GLMN: variants seen among roughly 807,000 people sequenced by gnomAD.
GLMN encodes glomulin.
GLMN carries 75 observed loss-of-function variants against 87.8 expected under a neutral mutation model. The observed-to-expected ratio is 0.85, with a 90% confidence interval of 0.71 to 1.04. The LOEUF is 1.04. Among genes scored for constraint, GLMN ranks in the 50% least tolerant of loss-of-function variants. The pLI is 0.00. For synonymous variants in GLMN, 206 were observed against 221.6 expected (o/e 0.93, Z 0.63); for missense variants, 588 against 658.8 (o/e 0.89, Z 1.18).
the GLMN span, among the ~76,000 whole-genome samples, chr1:92,321,507 T>C: frequency 6.6e-6 from 1 of 152,092 alleles, no homozygotes; most frequent in Non-Finnish European, 1.5e-5. Context: ...CACAGCTTGC[T>C]TCTTGACCCA....
rs762117271 is a variant in GLMN at position 92,247,960 on chromosome 1, A to T, written c.1503T>A (p.Ile501=). Residue 501 remains isoleucine (I), a synonymous_variant, in exon 17 of 19, where the codon ATT becomes ATA. Coordinates refer to ENST00000370360, the MANE Select transcript of GLMN (RefSeq NM_053274.3). ...QTGLWTELGN[I]ENNFLKPLHI... ...GAAGTGGCTTTAAGAAATTATTCTC[A>T]ATATTTCCAAGTTCTGTCCATAATC... is the stretch of plus-strand genomic sequence containing the variant. The T allele has an allele frequency of 2.6e-5, 35 of 1,345,562 alleles. No individual in the cohort carries two copies. Among genetic ancestry groups the T allele is most frequent in the Non-Finnish European group, 3.5e-5 (33 of 936,810 alleles). The allele number at this position is 1,345,562 out of a possible 1,614,324, so 83.4% of individuals were successfully genotyped here.
the GLMN span, among the ~76,000 whole-genome samples, chr1:92,309,275 C>G: frequency 9.2e-5 from 14 of 152,122 alleles, no homozygotes; most frequent in African/African-American, 3.4e-4. Flanking sequence ...AACCCTGTCT[C>G]TACTAAAAAT....
upstream of GLMN, among the ~76,000 whole-genome samples, chr1:92,303,054 A>C (rs1650974979): frequency 6.6e-6 from 1 of 152,194 alleles, no homozygotes; most frequent in African/African-American, 2.4e-5. Flanking sequence ...GAGAATAAAA[A>C]AATTTTGAAA....
At chr1:92,320,736 CA>C in the GLMN span, 1 of 839,058 alleles carries the variant, frequency 1.2e-6, no homozygotes, top group South Asian at 1.9e-5. Flanking sequence ...TGTGCTGATG[CA>C]TTATGTAAGT....
chr1:92,351,803 G>T, the GLMN span, among the ~76,000 whole-genome samples: 2 of 152,092 alleles, frequency 1.3e-5, no homozygotes, highest in Non-Finnish European at 2.9e-5. Flanking sequence ...TGGGAATCAG[G>T]TTTCCTCAAG....
At chr1:92,252,783 TAAGA>T (rs1653697139) in intron 16 of GLMN, among the ~76,000 whole-genome samples, 1 of 152,120 alleles carries the variant, frequency 6.6e-6, no homozygotes, top group African/African-American at 2.4e-5. Flanking sequence ...AAAAGTAAAT[TAAGA>T]GTTTTAAAAT....
At chr1:92,335,889 AACTGT>A in the GLMN span, among the ~76,000 whole-genome samples, 1 of 152,244 alleles carries the variant, frequency 6.6e-6, no homozygotes, top group East Asian at 1.9e-4. Context: ...TTCATAGTAA[AACTGT>A]TGGGTCAAAC....
the GLMN span, among the ~76,000 whole-genome samples, chr1:92,331,447 A>G: frequency 6.6e-6 from 1 of 152,064 alleles, no homozygotes; most frequent in Non-Finnish European, 1.5e-5. Context: ...GCATTGAATC[A>G]TTATTCCATT....
the GLMN span, among the ~76,000 whole-genome samples, chr1:92,364,140 G>A: frequency 6.6e-6 from 1 of 152,112 alleles, no homozygotes; most frequent in Non-Finnish European, 1.5e-5. Context: ...GTGACATTAA[G>A]TATCCAGATG....
chr1:92,331,812 TCTTAGTATCAGTTGA>T, the GLMN span, among the ~76,000 whole-genome samples: 1 of 152,192 alleles, frequency 6.6e-6, no homozygotes, highest in African/African-American at 2.4e-5. Flanking sequence ...AATATACTTC[TCTTAGTATCAGTTGA>T]TAAAGAATTT....
chr1:92,246,785 C>G, intron 18 of GLMN, 139 bp from the exon 19 acceptor site: 1 of 708,516 alleles, frequency 1.4e-6, no homozygotes, highest in East Asian at 2.7e-5. Flanking sequence ...AATTCCTGTG[C>G]TTTGGGAGGC....
chr1:92,256,060 A>C (rs984154557), intron 16 of GLMN, among the ~76,000 whole-genome samples: 3 of 152,210 alleles, frequency 2.0e-5, no homozygotes, highest in Non-Finnish European at 2.9e-5. Context: ...AAAATTGATA[A>C]AGGGTATATC....
Position 92,247,994 on chromosome 1 carries a change from T to A in GLMN, c.1474-5A>T, listed in dbSNP as rs377426579. On this transcript the variant is annotated splice_region_variant and splice_polypyrimidine_tract_variant and intron_variant, in intron 16 of 18. Transcript: ENST00000370360. ...AAGTTCTGTCCATAATCCAGTCTGT[T>A]AAGAATGAAAGAATGAGTTATTTAG... 36 of 1,087,640 alleles carry A rather than the reference T, an allele frequency of 3.3e-5. No individual in the cohort carries two copies. The highest frequency in any genetic ancestry group is 5.0e-5 in the Non-Finnish European group (35 of 702,056). The allele number at this position is 1,087,640 out of a possible 1,614,324, so 67.4% of individuals were successfully genotyped here. A position where few individuals can be genotyped will look rare whatever the true frequency, so the allele number is the denominator to read the frequency against.
At chr1:92,320,629 A>G in the GLMN span, 4 of 1,608,860 alleles carry the variant, frequency 2.5e-6, no homozygotes, top group African/African-American at 5.3e-5. Context: ...TAAAGGAAGA[A>G]CAAAGGTATG....
At chr1:92,304,568 A>G in the GLMN span, among the ~76,000 whole-genome samples, 694 of 152,324 alleles carry the variant, frequency 4.6e-3, 4 homozygotes, top group Non-Finnish European at 7.3e-3. Context: ...TTCAATTAAG[A>G]CTTGAACATT....
chr1:92,339,831 C>T, the GLMN span, among the ~76,000 whole-genome samples: 3 of 152,042 alleles, frequency 2.0e-5, no homozygotes, highest in Non-Finnish European at 4.4e-5. Context: ...TGACTTTTTT[C>T]TGTCATTCCT....
At chr1:92,356,717 G>A in the GLMN span, among the ~76,000 whole-genome samples, 1 of 150,798 alleles carries the variant, frequency 6.6e-6, no homozygotes, top group African/African-American at 2.4e-5. Flanking sequence ...TTACAGGCAT[G>A]AGCCACCACA....
At chr1:92,264,173 C>T (rs917273067) in intron 14 of GLMN, among the ~76,000 whole-genome samples, 5 of 152,092 alleles carry the variant, frequency 3.3e-5, no homozygotes, top group Admixed American at 6.5e-5. Flanking sequence ...TTCAGCCAGG[C>T]GCACTGGTGG....
chr1:92,313,009 G>A, the GLMN span, among the ~76,000 whole-genome samples: 1 of 152,076 alleles, frequency 6.6e-6, no homozygotes, highest in Non-Finnish European at 1.5e-5. Context: ...GGGACCACAG[G>A]CATGCGCCAC....
Sources: allele counts gnomAD v4.1 joint callset (sites outside exome capture counted in the v4.1 genomes callset), GRCh38; gene constraint gnomAD v4.1.1; transcripts MANE v1.5; gene names NCBI Gene and HGNC (gene_info 2026-07-23, HGNC 2026-07-21).